SMIM35: variants seen among roughly 807,000 people sequenced by gnomAD.
SMIM35 encodes the protein TMPRSS4 antisense RNA 1 (non-protein coding).
intron 1 of SMIM35, among the ~76,000 whole-genome samples, chr11:118,049,774 T>C (rs912795367): frequency 6.6e-6 from 1 of 152,186 alleles, no homozygotes; most frequent in Non-Finnish European, 1.5e-5. Context: ...AATTGTTTAT[T>C]GATGGGAGGC....
chr11:118,074,657 G>A (rs757190108), intron 1 of SMIM35, among the ~76,000 whole-genome samples: 5 of 152,110 alleles, frequency 3.3e-5, no homozygotes, highest in Middle Eastern at 3.4e-3. Context: ...TGAGGCGGGG[G>A]AATCCCTTGA....
chr11:118,012,419 C>G lies in SMIM35; in HGVS notation c.*33+1329G>C, dbSNP rs1044989812. On this transcript the variant is annotated intron_variant, in intron 4 of 4. Coordinates refer to ENST00000689828, the MANE Select transcript of SMIM35 (RefSeq NM_001394165.1). Reference sequence around the variant, plus strand: ...CAGTGGATTCCTGGTTTCCCTGGTGCATTATCTGGTTTGTTCAGCCTCGCC... The same window carrying G: ...CAGTGGATTCCTGGTTTCCCTGGTGGATTATCTGGTTTGTTCAGCCTCGCC... 1.3e-3 allele frequency among the ~76,000 whole-genome samples: 195 copies of G among 152,318 alleles called. 1 individual carries two copies. Among genetic ancestry groups the G allele is most frequent in the South Asian group, 4.1e-4 (2 of 4,834 alleles).
At chr11:118,049,339 ATTTTTTTTTTT>A (rs398017739) in intron 1 of SMIM35, among the ~76,000 whole-genome samples, 10 of 84,002 alleles carry the variant, frequency 1.2e-4, no homozygotes, top group Non-Finnish European at 1.1e-4. Flanking sequence ...TCCACCCTTA[ATTTTTTTTTTT>A]TTTTTTTTTT....
chr11:118,032,378 T>C (rs1247170748), intron 1 of SMIM35, among the ~76,000 whole-genome samples: 1 of 152,184 alleles, frequency 6.6e-6, no homozygotes, highest in Non-Finnish European at 1.5e-5. Context: ...TAATTATATA[T>C]GAAAAAGCAA....
At chr11:118,034,638 A>G (rs1252487804) in intron 1 of SMIM35, among the ~76,000 whole-genome samples, 1 of 152,220 alleles carries the variant, frequency 6.6e-6, no homozygotes, top group Non-Finnish European at 1.5e-5. Context: ...TGGGAGGCAG[A>G]GGTTGCAGTG....
intron 1 of SMIM35, chr11:118,077,141 G>A: frequency 2.7e-6 from 2 of 728,294 alleles, no homozygotes; most frequent in Non-Finnish European, 4.4e-6. Flanking sequence ...GGGCGTGAGG[G>A]ACCAAGGCCT....
intron 1 of SMIM35, among the ~76,000 whole-genome samples, chr11:118,033,997 G>T (rs79776831): frequency 6.6e-6 from 1 of 152,182 alleles, no homozygotes; most frequent in African/African-American, 2.4e-5. Context: ...GCCAGGCGCA[G>T]TGTCTCACTC....
At chr11:118,056,528 TG>T (rs991030398) in intron 1 of SMIM35, among the ~76,000 whole-genome samples, 4 of 152,124 alleles carry the variant, frequency 2.6e-5, no homozygotes, top group Non-Finnish European at 5.9e-5. Context: ...GAGATGTCCA[TG>T]GGGCAATAGA....
At chr11:118,068,955 C>T (rs892971321) in intron 1 of SMIM35, among the ~76,000 whole-genome samples, 1 of 152,332 alleles carries the variant, frequency 6.6e-6, no homozygotes, top group East Asian at 1.9e-4. Context: ...CTAACCACGA[C>T]GATCTAAAAG....
chr11:118,068,770 T>C (rs1400801837), intron 1 of SMIM35, among the ~76,000 whole-genome samples: 1 of 151,840 alleles, frequency 6.6e-6, no homozygotes, highest in Non-Finnish European at 1.5e-5. Flanking sequence ...GGTAGCGGAG[T>C]GACCTTCCAC....
At chr11:118,030,090 A>G (rs1257770230) in intron 1 of SMIM35, among the ~76,000 whole-genome samples, 1 of 151,912 alleles carries the variant, frequency 6.6e-6, no homozygotes, top group African/African-American at 2.4e-5. Flanking sequence ...GCTGGAGTGC[A>G]GTGGCGTGAT....
In SMIM35 at chr11:118,024,015, C is replaced by CA. The variant is rs34791559; in HGVS notation, c.8-8207dup. Among the ~76,000 whole-genome samples, 453 of 134,370 alleles carry CA rather than the reference C, an allele frequency of 3.4e-3. 4 individuals are homozygous for CA. Among genetic ancestry groups the CA allele is most frequent in the African/African-American group, 6.6e-3 (239 of 36,430 alleles). The allele number at this position is 134,370 out of a possible 152,430, so 88.2% of individuals were successfully genotyped here. ...GGGTGATAGAGTGAGATGCCTTCTC[C>CA]AAAAAAAAAAAAGAAAGAAAGAAAG... On this transcript the variant is annotated intron_variant, in intron 1 of 4. Transcript: ENST00000689828.
chr11:118,060,676 C>A (rs1320674175), intron 1 of SMIM35, among the ~76,000 whole-genome samples: 1 of 149,974 alleles, frequency 6.7e-6, no homozygotes, highest in Non-Finnish European at 1.5e-5. Context: ...CTGTCTGGGA[C>A]CCCCTTCTAC....
At chr11:118,084,992 G>A (rs962600811) in intron 1 of SMIM35, among the ~76,000 whole-genome samples, 1 of 152,170 alleles carries the variant, frequency 6.6e-6, no homozygotes, top group Non-Finnish European at 1.5e-5. Context: ...AGGGGACTAT[G>A]AGCAAGTCTG....
At chr11:118,040,725 A>G (rs1046712530) in intron 1 of SMIM35, among the ~76,000 whole-genome samples, 2 of 152,200 alleles carry the variant, frequency 1.3e-5, no homozygotes, top group African/African-American at 2.4e-5. Flanking sequence ...TGATTTAAAA[A>G]GCAATCATAC....
intron 4 of SMIM35, among the ~76,000 whole-genome samples, chr11:118,007,359 A>C (rs140648213): frequency 0.019 from 2,920 of 152,348 alleles, 43 homozygotes; most frequent in Admixed American, 0.034. Context: ...TGCGCTCACC[A>C]GCTACAAGGG....
chr11:118,043,103 T>C (rs1253542895), intron 1 of SMIM35, among the ~76,000 whole-genome samples: 1 of 152,182 alleles, frequency 6.6e-6, no homozygotes, highest in Non-Finnish European at 1.5e-5. Flanking sequence ...AGATGTCTGG[T>C]CTCACCACTT....
intron 1 of SMIM35, among the ~76,000 whole-genome samples, chr11:118,055,008 T>C (rs1259956900): frequency 6.6e-6 from 1 of 152,116 alleles, no homozygotes; most frequent in East Asian, 1.9e-4. Flanking sequence ...TTTCACCAAG[T>C]TGATCGGGCT....
rs931411302 is a variant in SMIM35 at position 118,071,058 on chromosome 11, G to A, written c.7+15693C>T. 2.6e-5 allele frequency among the ~76,000 whole-genome samples: 4 copies of A among 152,326 alleles called. No individual in the cohort carries two copies. In the South Asian group the frequency reaches 6.2e-4, roughly 24 times the overall value. On this transcript the variant is annotated intron_variant, in intron 1 of 4. Transcript: ENST00000689828. ...TGAGACAATGAGACTTCTTTCCACA[G>A]GCAAAAGAGCCTGGCACATGGGAGC...
Sources: gnomAD v4.1 joint callset for allele counts (sites outside exome capture counted in the v4.1 genomes callset) on GRCh38, gnomAD v4.1.1 for gene constraint, MANE v1.5 for transcripts, NCBI Gene and HGNC (gene_info 2026-07-23, HGNC 2026-07-21) for gene names.